Variants in ARHGAP42 observed in about 807,000 individuals in gnomAD.
ARHGAP42 encodes the protein Rho GTPase activating protein 42, also known as rho GTPase-activating protein 42.
A neutral mutation model predicts 125.0 loss-of-function variants in ARHGAP42; 63 were observed. The ratio of observed to expected loss-of-function variants is 0.50; its 90% CI spans 0.41 to 0.62. The LOEUF is 0.62. Among genes scored for constraint, ARHGAP42 ranks in the 20% least tolerant of loss-of-function variants. The probability of loss-of-function intolerance (pLI) is 0.00; values close to 1 mark genes in which losing one functional copy is unlikely to be tolerated. For missense variants in ARHGAP42, 766 were observed against 1,024.2 expected (o/e 0.75, Z 3.44); for synonymous variants, 339 against 351.0 (o/e 0.97, Z 0.38).
intron 1 of ARHGAP42, among the ~76,000 whole-genome samples, chr11:100,697,874 G>A (rs1861314168): frequency 1.3e-5 from 2 of 151,998 alleles, no homozygotes; most frequent in Non-Finnish European, 2.9e-5. Context: ...CGGTGGGAGT[G>A]GAGAGCAAGG....
chr11:100,960,366 C>T (rs1857923100), intron 13 of ARHGAP42, among the ~76,000 whole-genome samples: 1 of 151,990 alleles, frequency 6.6e-6, no homozygotes, highest in Admixed American at 6.6e-5. Flanking sequence ...TTAATCATGA[C>T]CTCTGTCTTG....
intron 4 of ARHGAP42, among the ~76,000 whole-genome samples, chr11:100,867,137 C>T (rs756483798): frequency 2.6e-5 from 4 of 152,198 alleles, no homozygotes; most frequent in Non-Finnish European, 4.4e-5. Context: ...ATTCCACATA[C>T]ATCTTAAGGG....
At chr11:100,905,145 T>C (rs1327682053) in intron 4 of ARHGAP42, among the ~76,000 whole-genome samples, 2 of 152,232 alleles carry the variant, frequency 1.3e-5, no homozygotes, top group African/African-American at 4.8e-5. Flanking sequence ...CATCTCCATT[T>C]TTCTCCTTCT....
At chr11:100,709,926 T>G (rs576847190) in intron 1 of ARHGAP42, among the ~76,000 whole-genome samples, 1 of 152,196 alleles carries the variant, frequency 6.6e-6, no homozygotes, top group Non-Finnish European at 1.5e-5. Context: ...TCTGTTATCC[T>G]GAAATGAAGC....
chr11:100,923,189 C>A (rs1867327578), intron 6 of ARHGAP42, among the ~76,000 whole-genome samples: 1 of 152,186 alleles, frequency 6.6e-6, no homozygotes, highest in African/African-American at 2.4e-5. Context: ...ACCCCAGAAT[C>A]CCACCATGGT....
rs1385773926 is a variant in ARHGAP42 at position 100,990,362 on chromosome 11, G to A, written c.*1561G>A. The stretch of plus-strand genomic sequence containing the variant: ...CTTCTACTTTAAATTAATGTTTCTA[G>A]AATTAATAGGTTAAATACACATACA... On this transcript the variant is annotated 3_prime_UTR_variant, in exon 24 of 24. Transcript: ENST00000298815. 3 of 151,898 alleles carry A rather than the reference G, an allele frequency of 2.0e-5. No homozygotes were observed. The highest frequency in any genetic ancestry group is 4.4e-5 in the Non-Finnish European group (3 of 67,996). The allele number at this position is 151,898 out of a possible 1,614,324, so 9.4% of individuals were successfully genotyped here. A position where few individuals can be genotyped will look rare whatever the true frequency, so the allele number is the denominator to read the frequency against.
chr11:100,928,024 GC>G (rs1867474629), intron 6 of ARHGAP42, among the ~76,000 whole-genome samples: 1 of 152,104 alleles, frequency 6.6e-6, no homozygotes, highest in Non-Finnish European at 1.5e-5. Context: ...GCACATCTAT[GC>G]ATTAGACTTA....
chr11:100,733,204 T>C (rs1861991128), intron 1 of ARHGAP42, among the ~76,000 whole-genome samples: 1 of 152,214 alleles, frequency 6.6e-6, no homozygotes, highest in Non-Finnish European at 1.5e-5. Context: ...TTAATCAATA[T>C]AGCCAAACCT....
At chr11:100,808,621 G>A (rs1180557550) in intron 3 of ARHGAP42, among the ~76,000 whole-genome samples, 2 of 151,380 alleles carry the variant, frequency 1.3e-5, no homozygotes, top group East Asian at 1.9e-4. Context: ...TAGCCAGGAT[G>A]GTCTCGATCT....
chr11:100,836,290 G>A (rs1244766087), intron 3 of ARHGAP42, among the ~76,000 whole-genome samples: 5 of 152,094 alleles, frequency 3.3e-5, no homozygotes. Context: ...GTTAACCAAG[G>A]TAGTGTAAAG....
chr11:100,790,874 G>A (rs1863548107), intron 2 of ARHGAP42, among the ~76,000 whole-genome samples: 1 of 152,134 alleles, frequency 6.6e-6, no homozygotes. Context: ...AGATAATAAA[G>A]TAGTTGTTAT....
chr11:100,748,230 A>T (rs1359897632), intron 1 of ARHGAP42, among the ~76,000 whole-genome samples: 1 of 152,208 alleles, frequency 6.6e-6, no homozygotes, highest in Non-Finnish European at 1.5e-5. Context: ...CTCCTTCCTG[A>T]TTCTATAAGT....
chr11:100,767,997 C>T (rs539616809), intron 1 of ARHGAP42, among the ~76,000 whole-genome samples: 28 of 152,166 alleles, frequency 1.8e-4, no homozygotes, highest in Admixed American at 5.2e-4. Context: ...ATGTGACCTT[C>T]GTGTTTGGAG....
chr11:100,804,579 C>T (rs1863945470), intron 3 of ARHGAP42, among the ~76,000 whole-genome samples: 1 of 149,572 alleles, frequency 6.7e-6, no homozygotes, highest in South Asian at 2.1e-4. Flanking sequence ...GAGTCTCGCA[C>T]TGCCACCTGG....
At chr11:100,749,048 C>T (rs566153915) in intron 1 of ARHGAP42, among the ~76,000 whole-genome samples, 2 of 152,200 alleles carry the variant, frequency 1.3e-5, no homozygotes, top group South Asian at 2.1e-4. Flanking sequence ...CTCTGCCTCT[C>T]CCAGCGGCTT....
intron 3 of ARHGAP42, among the ~76,000 whole-genome samples, chr11:100,814,311 C>T (rs1412649628): frequency 1.4e-5 from 2 of 144,822 alleles, no homozygotes; most frequent in Admixed American, 7.1e-5. Flanking sequence ...GAGCCAAGAT[C>T]GAGATCACAC....
intron 6 of ARHGAP42, among the ~76,000 whole-genome samples, chr11:100,926,376 T>G (rs1216481027): frequency 6.6e-6 from 1 of 152,260 alleles, no homozygotes; most frequent in Non-Finnish European, 1.5e-5. Context: ...AGTCATGGCA[T>G]AGTACCACTT....
At chr11:100,759,067 C>T (rs1223293264) in intron 1 of ARHGAP42, among the ~76,000 whole-genome samples, 1 of 152,118 alleles carries the variant, frequency 6.6e-6, no homozygotes, top group African/African-American at 2.4e-5. Context: ...CCACCAGGAT[C>T]ATTTTTATAG....
At chr11:100,838,079 TTTTG>T (rs978726634) in intron 3 of ARHGAP42, among the ~76,000 whole-genome samples, 8 of 151,962 alleles carry the variant, frequency 5.3e-5, no homozygotes, top group African/African-American at 1.7e-4. Flanking sequence ...GTCTGTTTGT[TTTTG>T]TTTGTTTGTT....
Sources: allele counts gnomAD v4.1 joint callset (sites outside exome capture counted in the v4.1 genomes callset), GRCh38; gene constraint gnomAD v4.1.1; transcripts MANE v1.5; gene names NCBI Gene and HGNC (gene_info 2026-07-23, HGNC 2026-07-21).